HM13: variants seen among roughly 807,000 people sequenced by gnomAD.
The protein encoded by HM13 is signal peptide peptidase.
A neutral mutation model predicts 50.0 loss-of-function variants in HM13; 18 were observed. That is an observed-to-expected ratio of 0.36 (90% CI 0.25 to 0.53). HM13 has a LOEUF of 0.53. HM13 is among the 20% of genes least tolerant of loss of function. HM13 has a pLI of 0.90. For missense variants in HM13, 393 were observed against 552.4 expected (o/e 0.71, Z 2.89); for synonymous variants, 197 against 232.6 (o/e 0.85, Z 1.39).
At chr20:31,535,776 T>C (rs1299570879) in intron 2 of HM13, 2 of 152,182 alleles carry the variant, frequency 1.3e-5, no homozygotes, top group East Asian at 3.8e-4. Context: ...CAGCTGACCA[T>C]CCCTGTCCTC....
At chr20:31,549,830 A>G (rs1210044102) in intron 6 of HM13, among the ~76,000 whole-genome samples, 1 of 152,156 alleles carries the variant, frequency 6.6e-6, no homozygotes, top group Non-Finnish European at 1.5e-5. Flanking sequence ...GTGAACAAAC[A>G]TAGGCTGCCT....
At chr20:31,527,383 G>T in intron 1 of HM13, 101 bp from the exon 2 acceptor site, 8 of 761,422 alleles carry the variant, frequency 1.1e-5, no homozygotes, top group Non-Finnish European at 1.5e-5. Flanking sequence ...CCCAGGATGA[G>T]GCAGGCAGCA....
intron 8 of HM13, among the ~76,000 whole-genome samples, chr20:31,556,299 A>C (rs1384923771): frequency 1.3e-5 from 2 of 152,060 alleles, no homozygotes; most frequent in Non-Finnish European, 2.9e-5. Flanking sequence ...CGGCCCCCAC[A>C]AAGTGCTGAG....
chr20:31,534,430 G>C (rs139728655), intron 2 of HM13, among the ~76,000 whole-genome samples: 1 of 152,162 alleles, frequency 6.6e-6, no homozygotes, highest in Non-Finnish European at 1.5e-5. Context: ...GCTCAGGGTA[G>C]TACAAGCAAA....
At chr20:31,548,127 A>G (rs1600651652) in intron 4 of HM13, 5 of 946,678 alleles carry the variant, frequency 5.3e-6, no homozygotes, top group Non-Finnish European at 8.6e-6. Flanking sequence ...TGTGTGTGAC[A>G]GCGTGAATAC....
chr20:31,556,875 C>A (rs934560297), intron 8 of HM13, among the ~76,000 whole-genome samples: 1 of 151,970 alleles, frequency 6.6e-6, no homozygotes, highest in African/African-American at 2.4e-5. Flanking sequence ...AAAAATTAGC[C>A]AGGCGTAGTG....
intron 1 of HM13, among the ~76,000 whole-genome samples, chr20:31,516,874 AGC>A: frequency 6.6e-6 from 1 of 152,244 alleles, no homozygotes; most frequent in Non-Finnish European, 1.5e-5. Context: ...TGATGCTCAC[AGC>A]AACTGAGGTG....
intron 4 of HM13, among the ~76,000 whole-genome samples, chr20:31,545,244 G>T (rs896460432): frequency 3.9e-5 from 6 of 152,044 alleles, no homozygotes; most frequent in African/African-American, 1.4e-4. Flanking sequence ...GGGTGTTTTT[G>T]TTTTTGTTTT....
chr20:31,563,229 C>CA lies in HM13; in HGVS notation c.948+1494dup, dbSNP rs1268515052. On this transcript the variant is annotated intron_variant, in intron 10 of 12. Coordinates refer to ENST00000398174, the MANE Select transcript of HM13 (RefSeq NM_178581.3). ...CCAGCAGCAGCCCAGCCCTTCTCCCCAGTCATCCAAGTGGGTACCTCTCTG... is the reference window on the plus strand; with the variant it reads ...CCAGCAGCAGCCCAGCCCTTCTCCCCAAGTCATCCAAGTGGGTACCTCTCTG... The CA allele has an allele frequency of 2.6e-5, 4 of 152,650 alleles. No individual in the cohort carries two copies. In the East Asian group the frequency reaches 7.7e-4, roughly 29 times the overall value. The allele number at this position is 152,650 out of a possible 1,614,324, so 9.5% of individuals were successfully genotyped here.
Position 31,567,354 on chromosome 20 carries a change from C to G in HM13, c.1035-724C>G, listed in dbSNP as rs546418797. 3.1e-4 allele frequency among the ~76,000 whole-genome samples: 47 copies of G among 152,268 alleles called. No individual in the cohort carries two copies. The East Asian group carries it at 8.9e-3, about 29-fold the overall frequency. Reference sequence around the variant, plus strand: ...GGTAACCACCCAATGCTATTGTGCCCTCATCAGGCAAAGCTCTGAATACAC... The same window carrying G: ...GGTAACCACCCAATGCTATTGTGCCGTCATCAGGCAAAGCTCTGAATACAC... On this transcript the variant is annotated intron_variant, in intron 11 of 12. Coordinates refer to ENST00000398174, the MANE Select transcript of HM13 (RefSeq NM_178581.3).
At position 31,527,372 on chromosome 20, in the gene HM13, C is replaced by T. The variant is rs1160390164; in HGVS notation, c.184-112C>T. 4 of 694,570 alleles carry T rather than the reference C, an allele frequency of 5.8e-6. No homozygotes were observed. The East Asian group carries it at 8.6e-5, about 15-fold the overall frequency. 43.0% of individuals were successfully genotyped at this position (694,570 alleles called of 1,614,324 possible). On this transcript the variant is annotated intron_variant, in intron 1 of 12. Transcript: ENST00000398174. ...AAAATGGCAAGATCAGAGCATCTTG[C>T]CCCAGGATGAGGCAGGCAGCATCCC...
At chr20:31,548,144 T>A in intron 4 of HM13, 1 of 830,572 alleles carries the variant, frequency 1.2e-6, no homozygotes, top group Non-Finnish European at 2.1e-6. Context: ...ATACAATGCC[T>A]CTGTGGTTAT....
At position 31,544,991 on chromosome 20, in the gene HM13, A is replaced by G. The variant is rs1983631600; in HGVS notation, c.410A>G (p.Gln137Arg). Reference sequence around the variant, plus strand: ...TTTCCAGCCAGCTTTCCAAATCGACAGTACCAGCTGCTCTTCACACAGGGT... The same window carrying G: ...TTTCCAGCCAGCTTTCCAAATCGACGGTACCAGCTGCTCTTCACACAGGGT... ...KFFPASFPNR[Q>R]YQLLFTQGSG... The change falls in exon 4 of 13, where the codon CAG becomes CGG. Residue 137 changes from glutamine (Q) to arginine (R), a missense_variant. Gln to Arg is a conservative substitution (Grantham distance 43). Transcript: ENST00000398174. The G allele has an allele frequency of 1.2e-6, 2 of 1,614,098 alleles. No homozygotes were observed. Among genetic ancestry groups the G allele is most frequent in the African/African-American group, 2.7e-5 (2 of 74,936 alleles).
chr20:31,527,407 G>A, intron 1 of HM13, 77 bp from the exon 2 acceptor site: 2 of 1,000,114 alleles, frequency 2.0e-6, no homozygotes, highest in Admixed American at 4.2e-5. Flanking sequence ...CTAGCCAAGG[G>A]AATAGCATTA....
chr20:31,567,915 T>C (rs1985015743), intron 11 of HM13, 163 bp from the exon 12 acceptor site: 1 of 640,630 alleles, frequency 1.6e-6, no homozygotes, highest in Admixed American at 3.4e-5. Flanking sequence ...TCTTTTTTCA[T>C]TCTCCAAATA....
chr20:31,554,781 G>A lies in HM13; in HGVS notation c.760G>A (p.Glu254Lys), dbSNP rs200379311. ...CCAGGATCTGCTGGAGAAAGGCCTC[G>A]AAGCAAACAACTTTGCCATGCTGGG... ...FPQDLLEKGL[E>K]ANNFAMLGLG... Residue 254 changes from glutamate (E) to lysine (K), a missense_variant, in exon 8 of 13, where the codon GAA becomes AAA. This residue lies in a region of HM13 where 74 missense variants were observed against 160.4 expected (regional missense o/e 0.46). Coordinates refer to ENST00000398174, the MANE Select transcript of HM13 (RefSeq NM_178581.3). 66 of 1,614,018 alleles carry A rather than the reference G, an allele frequency of 4.1e-5. No homozygotes were observed. The highest frequency in any genetic ancestry group is 5.3e-5 in the Non-Finnish European group (63 of 1,180,012).
intron 3 of HM13, chr20:31,539,081 T>A (rs988343297): frequency 1.0e-6 from 1 of 985,292 alleles, no homozygotes; most frequent in African/African-American, 1.7e-5. Flanking sequence ...ACTGCTACCC[T>A]AACTCAAACT....
At chr20:31,526,077 A>T (rs1319974442) in intron 1 of HM13, among the ~76,000 whole-genome samples, 7 of 152,088 alleles carry the variant, frequency 4.6e-5, no homozygotes, top group Admixed American at 4.6e-4. Context: ...GTGAGCCAAG[A>T]TTGCACCACT....
chr20:31,517,543 A>G (rs181329089), intron 1 of HM13, among the ~76,000 whole-genome samples: 3 of 152,078 alleles, frequency 2.0e-5, no homozygotes, highest in Non-Finnish European at 4.4e-5. Flanking sequence ...GGAGAAACAG[A>G]CATGTGACTA....
Sources: gnomAD v4.1 joint callset for allele counts (sites outside exome capture counted in the v4.1 genomes callset) on GRCh38, gnomAD v4.1.1 for gene constraint, gnomAD v4.1.1 regional missense constraint, MANE v1.5 for transcripts, NCBI Gene and HGNC (gene_info 2026-07-23, HGNC 2026-07-21) for gene names.